The following GREM2 variants were observed in gnomAD, a reference collection of about 807,000 sequenced individuals.
The protein encoded by GREM2 is gremlin 2, DAN family BMP antagonist, also known as gremlin-2.
In GREM2, 11 loss-of-function variants were observed where a neutral mutation model predicts 14.2. That is an observed-to-expected ratio of 0.78 (90% CI 0.49 to 1.28). GREM2 has a LOEUF of 1.28. GREM2 is among the 50% of genes most tolerant of loss of function. The pLI, the probability that GREM2 is intolerant of heterozygous loss-of-function variation, is 0.00. For missense variants in GREM2, 210 were observed against 218.5 expected, an observed-to-expected ratio of 0.96 and a Z score of 0.24; for synonymous variants, 98 against 97.6, an observed-to-expected ratio of 1.00 and a Z score of -0.02.
intron 1 of GREM2, among the ~76,000 whole-genome samples, chr1:240,553,646 A>T (rs1014746878): frequency 6.6e-6 from 1 of 152,234 alleles, no homozygotes; most frequent in Non-Finnish European, 1.5e-5. Flanking sequence ...TTATATAACG[A>T]ACACTTCTGA....
chr1:240,575,811 G>A (rs560674676), intron 1 of GREM2, among the ~76,000 whole-genome samples: 18 of 151,274 alleles, frequency 1.2e-4, no homozygotes, highest in East Asian at 2.0e-4. Context: ...GTGAGCCACC[G>A]TGCCCAGCAC....
At chr1:240,600,577 A>G (rs1481392335) in intron 1 of GREM2, among the ~76,000 whole-genome samples, 1 of 151,912 alleles carries the variant, frequency 6.6e-6, no homozygotes, top group Non-Finnish European at 1.5e-5. Flanking sequence ...TCCACCTCCC[A>G]GGCTCAAGCA....
intron 1 of GREM2, among the ~76,000 whole-genome samples, chr1:240,562,647 T>A (rs950488836): frequency 2.0e-5 from 3 of 152,168 alleles, no homozygotes; most frequent in Non-Finnish European, 2.9e-5. Context: ...GAAATTATAT[T>A]TGACATAGGC....
At chr1:240,562,147 G>T (rs529219233) in intron 1 of GREM2, among the ~76,000 whole-genome samples, 1 of 152,232 alleles carries the variant, frequency 6.6e-6, no homozygotes, top group African/African-American at 2.4e-5. Context: ...AAACATTTTC[G>T]GGATGAAGTG....
intron 1 of GREM2, among the ~76,000 whole-genome samples, chr1:240,497,940 C>A (rs1289057224): frequency 6.6e-6 from 1 of 152,096 alleles, no homozygotes; most frequent in African/African-American, 2.4e-5. Flanking sequence ...GTAAACATAA[C>A]CAAGAGTTTG....
chr1:240,584,524 ATAAAAAT>A (rs1258981829), intron 1 of GREM2, among the ~76,000 whole-genome samples: 2 of 151,128 alleles, frequency 1.3e-5, no homozygotes, highest in Admixed American at 6.6e-5. Context: ...AAGAATGAAA[ATAAAAAT>A]TAAAAATTAA....
At chr1:240,562,884 G>A (rs1442687126) in intron 1 of GREM2, among the ~76,000 whole-genome samples, 4 of 150,850 alleles carry the variant, frequency 2.7e-5, no homozygotes, top group African/African-American at 4.9e-5. Context: ...GTGTATGTGT[G>A]TATGAGTGTG....
chr1:240,592,812 C>T (rs905069509), intron 1 of GREM2, among the ~76,000 whole-genome samples: 2 of 152,060 alleles, frequency 1.3e-5, no homozygotes, highest in African/African-American at 4.8e-5. Context: ...AATGTCTCCA[C>T]TTTGCCTCTC....
chr1:240,578,044 T>C (rs1316430177), intron 1 of GREM2, among the ~76,000 whole-genome samples: 1 of 152,086 alleles, frequency 6.6e-6, no homozygotes, highest in African/African-American at 2.4e-5. Flanking sequence ...GGCAATAGGA[T>C]TACTGTTTTT....
At chr1:240,586,513 A>G (rs1054006515) in intron 1 of GREM2, among the ~76,000 whole-genome samples, 8 of 152,330 alleles carry the variant, frequency 5.3e-5, no homozygotes, top group East Asian at 3.9e-4. Flanking sequence ...GTCCAGGACT[A>G]AGCTTATTAG....
intron 1 of GREM2, among the ~76,000 whole-genome samples, chr1:240,537,244 A>C (rs1378400155): frequency 6.6e-6 from 1 of 152,238 alleles, no homozygotes; most frequent in African/African-American, 2.4e-5. Context: ...GAAATGTAAA[A>C]GTAGAGGAAG....
chr1:240,562,259 C>T (rs1679054661), intron 1 of GREM2, among the ~76,000 whole-genome samples: 3 of 152,054 alleles, frequency 2.0e-5, no homozygotes, highest in Admixed American at 2.0e-4. Context: ...AACAGATGGC[C>T]CCAGGGCTCC....
chr1:240,582,464 A>G (rs2103378661), intron 1 of GREM2, among the ~76,000 whole-genome samples: 1 of 151,924 alleles, frequency 6.6e-6, no homozygotes, highest in South Asian at 2.1e-4. Context: ...AGTTTAAGAT[A>G]TTGAATTCTT....
intron 1 of GREM2, among the ~76,000 whole-genome samples, chr1:240,496,175 G>T (rs576492153): frequency 6.6e-6 from 1 of 152,222 alleles, no homozygotes; most frequent in Non-Finnish European, 1.5e-5. Flanking sequence ...GACCTCAAGT[G>T]ATCTGCCGGT....
intron 1 of GREM2, among the ~76,000 whole-genome samples, chr1:240,585,395 C>T (rs1234408195): frequency 4.0e-5 from 6 of 151,856 alleles, no homozygotes; most frequent in African/African-American, 7.3e-5. Context: ...ATTTCTCTGA[C>T]GGGGATGTAC....
intron 1 of GREM2, among the ~76,000 whole-genome samples, chr1:240,586,574 C>T (rs1485026726): frequency 6.6e-6 from 1 of 151,962 alleles, no homozygotes; most frequent in African/African-American, 2.4e-5. Context: ...GGAAGTGGAC[C>T]CTGGAAGAAG....
rs752549175 is a variant in GREM2 at position 240,493,047 on chromosome 1, G to C, written c.429C>G (p.Pro143=). The C allele has an allele frequency of 1.2e-6, 2 of 1,605,560 alleles. No homozygotes were observed. Among genetic ancestry groups the C allele is most frequent in the Admixed American group, 3.3e-5 (2 of 59,800 alleles). ...CCTTCTGGATTTTCTTGAGTCGGAA[G>C]GGTGGGTCCAGGCCGGGGCACTCGA... The part of the protein sequence containing the change: ...VELECPGLDP[P]FRLKKIQKVK... The change falls in exon 2 of 2, where the codon CCC becomes CCG. Residue 143 remains proline (P), a synonymous_variant. Transcript: ENST00000318160.
chr1:240,531,785 T>G, intron 1 of GREM2: 3 of 602,022 alleles, frequency 5.0e-6, no homozygotes, highest in Non-Finnish European at 6.3e-6. Flanking sequence ...CTCGGCTCAC[T>G]GCAACCTCCG....
chr1:240,528,128 T>C (rs919000872), intron 1 of GREM2, among the ~76,000 whole-genome samples: 3 of 152,192 alleles, frequency 2.0e-5, no homozygotes, highest in African/African-American at 7.2e-5. Context: ...CAATAAAGAA[T>C]AGTAAACTTC....
Sources: gnomAD v4.1 joint callset for allele counts (sites outside exome capture counted in the v4.1 genomes callset) on GRCh38, gnomAD v4.1.1 for gene constraint, MANE v1.5 for transcripts, NCBI Gene and HGNC (gene_info 2026-07-23, HGNC 2026-07-21) for gene names.